FANCL: variants seen among roughly 807,000 people sequenced by gnomAD.
FANCL encodes the protein FA complementation group L, also known as E3 ubiquitin-protein ligase FANCL.
A neutral mutation model predicts 59.4 loss-of-function variants in FANCL; 69 were observed. The observed-to-expected ratio is 1.16, with a 90% CI of 0.96 to 1.42. The LOEUF (loss-of-function observed/expected upper bound fraction) is 1.42. FANCL is among the 40% of genes most tolerant of loss of function. The pLI is 0.00. For synonymous variants in FANCL, 180 were observed against 147.1 expected (o/e 1.22, Z -1.62); for missense variants, 519 against 447.2 (o/e 1.16, Z -1.45).
chr2:58,163,720 T>C (rs1482767205), intron 8 of FANCL, among the ~76,000 whole-genome samples: 1 of 152,034 alleles, frequency 6.6e-6, no homozygotes, highest in Non-Finnish European at 1.5e-5. Context: ...GAAAGGATCT[T>C]AAATTTCAGC....
chr2:58,213,664 A>C (rs1281296021), intron 5 of FANCL: 1 of 151,650 alleles, frequency 6.6e-6, no homozygotes, highest in East Asian at 1.9e-4. Flanking sequence ...ATTTCAGCCC[A>C]GGAGTGTGAG....
At chr2:58,224,250 T>A (rs989453801) in intron 4 of FANCL, among the ~76,000 whole-genome samples, 1 of 151,778 alleles carries the variant, frequency 6.6e-6, no homozygotes, top group African/African-American at 2.4e-5. Flanking sequence ...TCCCTTAGTC[T>A]CTCCTTGTAT....
chr2:58,179,150 A>G (rs1014706769), intron 7 of FANCL, among the ~76,000 whole-genome samples: 6 of 152,212 alleles, frequency 3.9e-5, no homozygotes, highest in African/African-American at 1.4e-4. Flanking sequence ...GAAAATGGCC[A>G]TACTGCCCTA....
At chr2:58,219,193 T>C (rs1198852063) in intron 5 of FANCL, among the ~76,000 whole-genome samples, 1 of 107,978 alleles carries the variant, frequency 9.3e-6, no homozygotes, top group African/African-American at 3.6e-5. Context: ...TATATATATA[T>C]ATATATATAT....
At chr2:58,240,162 G>A (rs1219234856) in intron 1 of FANCL, among the ~76,000 whole-genome samples, 2 of 149,960 alleles carry the variant, frequency 1.3e-5, no homozygotes, top group Non-Finnish European at 1.5e-5. Context: ...TCTAAATGTT[G>A]TCTACAAGAG....
chr2:58,169,688 C>T (rs983323665), intron 7 of FANCL, among the ~76,000 whole-genome samples: 2 of 151,604 alleles, frequency 1.3e-5, no homozygotes, highest in African/African-American at 4.8e-5. Context: ...ACTAAAATAA[C>T]CAGGTTATAG....
At position 58,163,061 on chromosome 2, in the gene FANCL, C is replaced by A. The variant is rs2104796399; in HGVS notation, c.789G>T (p.Leu263=). Residue 263 remains leucine (L), a synonymous_variant, in exon 10 of 14, where the codon CTG becomes CTT. Transcript: ENST00000233741. ...GTATGTTCCTGCTCAGCTTAATTCC[C>A]AGGGGTTTTACCACTTCAGATTAAA... ...FLGADHVVKP[L]GIKLSRNIHL... The A allele has an allele frequency of 6.2e-7, 1 of 1,612,052 alleles. No homozygotes were observed. The highest frequency in any genetic ancestry group is 8.5e-7 in the Non-Finnish European group (1 of 1,178,966).
At chr2:58,202,846 T>C (rs1173558103) in intron 6 of FANCL, among the ~76,000 whole-genome samples, 2 of 151,824 alleles carry the variant, frequency 1.3e-5, no homozygotes, top group Admixed American at 6.6e-5. Flanking sequence ...TCTTAGGAAG[T>C]AGAAGAGCTT....
intron 7 of FANCL, among the ~76,000 whole-genome samples, chr2:58,179,507 G>C (rs983777984): frequency 6.6e-6 from 1 of 152,116 alleles, no homozygotes; most frequent in Non-Finnish European, 1.5e-5. Context: ...TTTATTAAAC[G>C]GTGTTGGGAA....
chr2:58,206,878 G>C (rs1263738838), intron 5 of FANCL, among the ~76,000 whole-genome samples: 1 of 152,142 alleles, frequency 6.6e-6, no homozygotes, highest in African/African-American at 2.4e-5. Context: ...ACTTTGTTTG[G>C]GGCACAGAAA....
At chr2:58,198,471 G>T (rs1689662098) in intron 7 of FANCL, 123 bp downstream of exon 7, 2 of 716,300 alleles carry the variant, frequency 2.8e-6, no homozygotes, top group African/African-American at 1.8e-5. Flanking sequence ...AAGAGATTTG[G>T]GTATGCATGG....
chr2:58,211,132 C>G (rs1304781684), intron 5 of FANCL, among the ~76,000 whole-genome samples: 1 of 152,206 alleles, frequency 6.6e-6, no homozygotes, highest in Non-Finnish European at 1.5e-5. Flanking sequence ...AGAGGTTCTC[C>G]ATGAGGGCCC....
chr2:58,204,118 C>A lies in FANCL; in HGVS notation c.471+12G>T. 1 of 1,591,616 alleles carries A rather than the reference C, an allele frequency of 6.3e-7. No homozygotes were observed. The highest frequency in any genetic ancestry group is 2.2e-5 in the East Asian group (1 of 44,768). ...TTTTCTGATCACAATAACAGTTTAA[C>A]GAGGCACATACCTTTGCCTTCAACT... is the stretch of plus-strand genomic sequence containing the variant. On this transcript the variant is annotated intron_variant, in intron 6 of 13. Transcript: ENST00000233741.
intron 5 of FANCL, among the ~76,000 whole-genome samples, chr2:58,215,704 CA>C (rs11427269): frequency 0.046 from 4,904 of 106,406 alleles, 245 homozygotes; most frequent in African/African-American, 0.13. Flanking sequence ...TATTAAGTGG[CA>C]AAAAAAAAAA....
At chr2:58,160,030 A>T in intron 13 of FANCL, 78 bp downstream of exon 13, 1 of 1,599,802 alleles carries the variant, frequency 6.3e-7, no homozygotes, top group South Asian at 1.1e-5. Context: ...AAACTGATAT[A>T]CTATATAGAT....
intron 11 of FANCL, among the ~76,000 whole-genome samples, chr2:58,162,130 T>C (rs1417618267): frequency 6.6e-6 from 1 of 151,954 alleles, no homozygotes; most frequent in Non-Finnish European, 1.5e-5. Flanking sequence ...TGATATTAGC[T>C]AGTGATTACT....
At position 58,222,018 on chromosome 2, in the gene FANCL, CTT is replaced by C. The variant is rs779544327; in HGVS notation, c.296_297del (p.Gln99ArgfsTer17). 1.4e-5 allele frequency: 22 copies of C among 1,613,142 alleles called. No homozygotes were observed. In the African/African-American group the frequency reaches 1.6e-4, roughly 12 times the overall value. On this transcript the variant is annotated frameshift_variant, in exon 5 of 14. Transcript: ENST00000233741. LOFTEE classifies it high-confidence loss of function. ...GGAGGAGGAGGTAGTGCATACAGCTCTTGTCTATTCTTTAAGGCAACTTCCTG... is the reference window on the plus strand; with the variant it reads ...GGAGGAGGAGGTAGTGCATACAGCTCGTCTATTCTTTAAGGCAACTTCCTG... ...MLLEVALKNR[Q>X]ELYALPPPPQ...
At chr2:58,169,673 T>G (rs1316146399) in intron 7 of FANCL, among the ~76,000 whole-genome samples, 2 of 151,480 alleles carry the variant, frequency 1.3e-5, no homozygotes, top group Non-Finnish European at 2.9e-5. Flanking sequence ...TTAGAGGAAT[T>G]GCTAACTAAA....
intron 5 of FANCL, among the ~76,000 whole-genome samples, chr2:58,217,251 T>C (rs1472086400): frequency 2.5e-4 from 31 of 122,860 alleles, no homozygotes; most frequent in Non-Finnish European, 3.4e-5. Context: ...CACATATATA[T>C]GTTTGGCTAA....
Sources: allele counts gnomAD v4.1 joint callset (sites outside exome capture counted in the v4.1 genomes callset), GRCh38; gene constraint gnomAD v4.1.1; transcripts MANE v1.5; gene names NCBI Gene and HGNC (gene_info 2026-07-23, HGNC 2026-07-21).